The following MYO3A variants were observed in gnomAD, a reference collection of about 807,000 sequenced individuals.
MYO3A encodes myosin IIIA, also known as myosin-IIIa.
A neutral mutation model predicts 192.7 loss-of-function variants in MYO3A; 180 were observed. The observed-to-expected ratio is 0.93, with a 90% confidence interval of 0.83 to 1.06. The LOEUF is 1.06. MYO3A is among the 50% of genes least tolerant of loss of function. MYO3A has a pLI of 0.00. For missense variants in MYO3A, 1,896 were observed against 1,905.0 expected (o/e 1.00, Z 0.09); for synonymous variants, 628 against 645.3 (o/e 0.97, Z 0.41).
intron 31 of MYO3A, among the ~76,000 whole-genome samples, chr10:26,191,968 G>T (rs2132143401): frequency 6.6e-6 from 1 of 152,282 alleles, no homozygotes. Context: ...TATGTGCTCA[G>T]GTGTATTGAA....
chr10:26,066,511 C>T (rs1023320383), intron 10 of MYO3A, among the ~76,000 whole-genome samples: 1 of 152,172 alleles, frequency 6.6e-6, no homozygotes, highest in Admixed American at 6.5e-5. Flanking sequence ...TTTTTACACA[C>T]ATCTAACCTT....
chr10:26,203,103 G>T lies in MYO3A; in HGVS notation c.4726G>T (p.Glu1576Ter). 2 of 1,613,506 alleles carry T rather than the reference G, an allele frequency of 1.2e-6. No individual in the cohort carries two copies. Among genetic ancestry groups the T allele is most frequent in the Non-Finnish European group, 1.7e-6 (2 of 1,179,666 alleles). ...ELQNQCIKAN[E>*]RCWAAESPEK... ...CCAGAATCAATGTATTAAGGCTAAT[G>T]AAAGGTAAAAAGCTAAACTTTAAAG... Residue 1576 changes from glutamate to a stop codon, truncating the protein, a stop_gained, in exon 34 of 35, where the codon GAA (glutamate) becomes TAA (stop). Transcript: ENST00000642920. LOFTEE classifies it high-confidence loss of function.
chr10:26,199,586 A>G (rs959168179), intron 32 of MYO3A, among the ~76,000 whole-genome samples: 1 of 152,172 alleles, frequency 6.6e-6, no homozygotes, highest in Non-Finnish European at 1.5e-5. Flanking sequence ...AAAGAAAAGA[A>G]AAAAGAATAT....
chr10:25,965,665 T>G (rs1838211541), intron 4 of MYO3A, among the ~76,000 whole-genome samples: 1 of 152,104 alleles, frequency 6.6e-6, no homozygotes, highest in Admixed American at 6.5e-5. Flanking sequence ...TACTTGAATA[T>G]ATAGAGTGCA....
chr10:26,071,067 A>C, intron 14 of MYO3A, among the ~76,000 whole-genome samples: 1 of 151,944 alleles, frequency 6.6e-6, no homozygotes, highest in Non-Finnish European at 1.5e-5. Context: ...AAAAATATAT[A>C]TTGAAGGGCA....
At chr10:26,127,544 C>A (rs1434224895) in intron 19 of MYO3A, among the ~76,000 whole-genome samples, 1 of 152,110 alleles carries the variant, frequency 6.6e-6, no homozygotes, top group African/African-American at 2.4e-5. Flanking sequence ...CAGTTGCTTC[C>A]TCCAAATGTA....
At chr10:26,064,367 G>T (rs1484917986) in intron 10 of MYO3A, among the ~76,000 whole-genome samples, 2 of 152,296 alleles carry the variant, frequency 1.3e-5, no homozygotes, top group Admixed American at 6.5e-5. Flanking sequence ...AGCCAATGAG[G>T]TTGGAAAGAA....
chr10:26,144,881 G>A (rs1840361114), intron 21 of MYO3A, among the ~76,000 whole-genome samples: 1 of 152,060 alleles, frequency 6.6e-6, no homozygotes, highest in East Asian at 1.9e-4. Flanking sequence ...CACAACCTGT[G>A]TTATAAACCC....
intron 15 of MYO3A, among the ~76,000 whole-genome samples, chr10:26,091,192 C>T (rs78970368): frequency 0.061 from 9,298 of 152,106 alleles, 366 homozygotes; most frequent in Non-Finnish European, 0.088. Flanking sequence ...TTAGAGCAGA[C>T]GAGTATCTTT....
intron 10 of MYO3A, among the ~76,000 whole-genome samples, chr10:26,045,773 C>T (rs541162394): frequency 9.9e-4 from 151 of 152,130 alleles, no homozygotes; most frequent in South Asian, 2.1e-3. Context: ...TGGGGCTGCC[C>T]GTAAAGAAAT....
At chr10:26,206,216 C>T (rs1367582552) in intron 34 of MYO3A, among the ~76,000 whole-genome samples, 1 of 150,410 alleles carries the variant, frequency 6.6e-6, no homozygotes, top group Admixed American at 6.6e-5. Context: ...GCATGCCACT[C>T]TGCCCGGCTA....
chr10:26,176,931 C>A, intron 31 of MYO3A, 86 bp downstream of exon 31: 1 of 1,468,986 alleles, frequency 6.8e-7, no homozygotes, highest in Non-Finnish European at 9.5e-7. Context: ...TATTCTATGG[C>A]AGATTTGAGG....
intron 7 of MYO3A, among the ~76,000 whole-genome samples, chr10:26,018,746 G>A (rs1842115850): frequency 6.6e-6 from 1 of 152,078 alleles, no homozygotes; most frequent in African/African-American, 2.4e-5. Context: ...AGGACTACAA[G>A]CATTAAACAA....
At chr10:26,123,558 G>T (rs1270311297) in intron 18 of MYO3A, among the ~76,000 whole-genome samples, 2 of 152,186 alleles carry the variant, frequency 1.3e-5, no homozygotes, top group African/African-American at 4.8e-5. Context: ...TTGAATTGAA[G>T]TTATTGGTGT....
intron 8 of MYO3A, among the ~76,000 whole-genome samples, chr10:26,023,680 A>G (rs1842417323): frequency 6.6e-6 from 1 of 152,196 alleles, no homozygotes; most frequent in Admixed American, 6.5e-5. Context: ...ATTGGGACTC[A>G]TAGGAAAAAA....
At chr10:26,124,273 G>A (rs1839063738) in intron 18 of MYO3A, among the ~76,000 whole-genome samples, 1 of 150,578 alleles carries the variant, frequency 6.6e-6, no homozygotes, top group African/African-American at 2.4e-5. Context: ...TAAGAAAATA[G>A]TACAAAATAT....
At chr10:26,185,014 TA>T (rs1255169237) in intron 31 of MYO3A, among the ~76,000 whole-genome samples, 4 of 152,170 alleles carry the variant, frequency 2.6e-5, no homozygotes, top group African/African-American at 9.6e-5. Flanking sequence ...GTTTGCTCTT[TA>T]AAAAAATATT....
chr10:26,187,420 T>C (rs1842917377), intron 31 of MYO3A, among the ~76,000 whole-genome samples: 1 of 152,186 alleles, frequency 6.6e-6, no homozygotes, highest in Non-Finnish European at 1.5e-5. Flanking sequence ...AAGGTTGTTT[T>C]CCTCTGAGGC....
At chr10:26,165,060 A>G (rs1470810490) in intron 26 of MYO3A, among the ~76,000 whole-genome samples, 1 of 152,234 alleles carries the variant, frequency 6.6e-6, no homozygotes, top group Non-Finnish European at 1.5e-5. Flanking sequence ...GCCTAACAGA[A>G]GCTACTTCAT....
Sources: gnomAD v4.1 joint callset for allele counts (sites outside exome capture counted in the v4.1 genomes callset) on GRCh38, gnomAD v4.1.1 for gene constraint, MANE v1.5 for transcripts, NCBI Gene and HGNC (gene_info 2026-07-23, HGNC 2026-07-21) for gene names.